The following ADK variants were observed in gnomAD, a reference collection of about 807,000 sequenced individuals.
The protein encoded by ADK is adenosine kinase.
Under a neutral mutation model 44.7 loss-of-function variants are expected in ADK, and 24 were observed. The ratio of observed to expected loss-of-function variants is 0.54; its 90% CI spans 0.39 to 0.76. The LOEUF is 0.76. Ranked by LOEUF, ADK falls within the 30% of genes least tolerant of loss-of-function variation. The pLI is 0.00. For synonymous variants in ADK, 128 were observed against 142.6 expected (o/e 0.90, Z 0.73); for missense variants, 321 against 425.1 (o/e 0.76, Z 2.15).
chr10:74,460,295 C>G (rs1460986313), intron 6 of ADK, among the ~76,000 whole-genome samples: 1 of 152,148 alleles, frequency 6.6e-6, no homozygotes, highest in Non-Finnish European at 1.5e-5. Flanking sequence ...ACTGTGTTAT[C>G]CTAATGACAC....
chr10:74,247,995 TCAGGTTG>T (rs1845492303), intron 3 of ADK, among the ~76,000 whole-genome samples: 2 of 152,212 alleles, frequency 1.3e-5, no homozygotes, highest in Admixed American at 6.5e-5. Flanking sequence ...GTATTATTTC[TCAGGTTG>T]AGCCTCATGG....
intron 8 of ADK, among the ~76,000 whole-genome samples, chr10:74,591,513 G>A (rs1347540782): frequency 6.6e-6 from 1 of 152,116 alleles, no homozygotes; most frequent in Admixed American, 6.6e-5. Flanking sequence ...TGTAATCCAT[G>A]TATGGAACAC....
intron 1 of ADK, among the ~76,000 whole-genome samples, chr10:74,196,234 C>T (rs1157515677): frequency 4.6e-5 from 7 of 151,932 alleles, no homozygotes; most frequent in African/African-American, 1.5e-4. Context: ...TACGTTCTCC[C>T]TTGGGGAACT....
chr10:74,691,333 T>C (rs1322001122), intron 10 of ADK, among the ~76,000 whole-genome samples: 2 of 152,244 alleles, frequency 1.3e-5, no homozygotes, highest in African/African-American at 2.4e-5. Context: ...TCAGGTTTGC[T>C]TTAATTACAT....
chr10:74,185,635 A>G (rs1842724391), intron 1 of ADK, among the ~76,000 whole-genome samples: 1 of 150,398 alleles, frequency 6.6e-6, no homozygotes, highest in African/African-American at 2.4e-5. Flanking sequence ...GATCGAGACT[A>G]TCCTGGCTAA....
intron 1 of ADK, among the ~76,000 whole-genome samples, chr10:74,195,991 A>G (rs1843134794): frequency 6.6e-6 from 1 of 151,158 alleles, no homozygotes; most frequent in Non-Finnish European, 1.5e-5. Context: ...TTTTGTAGAG[A>G]TGGAGTTTTG....
intron 9 of ADK, among the ~76,000 whole-genome samples, chr10:74,611,626 A>C (rs1329221528): frequency 6.6e-6 from 1 of 151,900 alleles, no homozygotes; most frequent in Non-Finnish European, 1.5e-5. Context: ...AATACCCAAT[A>C]GGTAGTTTTT....
At chr10:74,475,765 AAAGAG>A (rs1846812155) in intron 6 of ADK, among the ~76,000 whole-genome samples, 1 of 151,552 alleles carries the variant, frequency 6.6e-6, no homozygotes, top group Non-Finnish European at 1.5e-5. Context: ...TAAAAGAAGA[AAAGAG>A]AGAGAGGGAG....
intron 3 of ADK, among the ~76,000 whole-genome samples, chr10:74,303,166 A>G (rs1443649348): frequency 6.6e-6 from 1 of 152,192 alleles, no homozygotes; most frequent in Non-Finnish European, 1.5e-5. Flanking sequence ...TGAGATAATC[A>G]CCTATGTATT....
At chr10:74,512,054 A>G (rs1256320045) in intron 6 of ADK, among the ~76,000 whole-genome samples, 4 of 152,178 alleles carry the variant, frequency 2.6e-5, no homozygotes, top group African/African-American at 4.8e-5. Context: ...TTTCATTGAG[A>G]TGATCATATG....
intron 7 of ADK, among the ~76,000 whole-genome samples, chr10:74,559,469 T>A (rs1717107235): frequency 6.6e-6 from 1 of 152,350 alleles, no homozygotes; most frequent in Non-Finnish European, 1.5e-5. Context: ...AGCTTTTATG[T>A]TGTTTTCTGG....
intron 9 of ADK, among the ~76,000 whole-genome samples, chr10:74,636,529 AAAAG>A (rs1232659233): frequency 6.6e-6 from 1 of 152,198 alleles, no homozygotes; most frequent in Admixed American, 6.5e-5. Flanking sequence ...GCTAATGAAA[AAAAG>A]GGAATAAAAT....
intron 6 of ADK, among the ~76,000 whole-genome samples, chr10:74,454,296 A>C (rs945719002): frequency 1.3e-5 from 2 of 152,184 alleles, no homozygotes; most frequent in African/African-American, 4.8e-5. Context: ...ACTGGAGAGG[A>C]TTTGAAATAA....
intron 1 of ADK, among the ~76,000 whole-genome samples, chr10:74,168,773 C>T (rs563200614): frequency 1.3e-4 from 19 of 151,542 alleles, no homozygotes; most frequent in African/African-American, 2.2e-4. Flanking sequence ...CCACCACACC[C>T]GGCTAATTTG....
chr10:74,284,328 G>A (rs920369994), intron 3 of ADK, among the ~76,000 whole-genome samples: 7 of 148,636 alleles, frequency 4.7e-5, no homozygotes, highest in South Asian at 2.1e-4. Flanking sequence ...GCAATGGCAC[G>A]ATCTCGGCTC....
At chr10:74,540,567 C>A (rs1447087318) in intron 7 of ADK, among the ~76,000 whole-genome samples, 1 of 152,000 alleles carries the variant, frequency 6.6e-6, no homozygotes, top group African/African-American at 2.4e-5. Flanking sequence ...TCAAGCGATT[C>A]TCAAGTCTCA....
At chr10:74,648,323 A>G (rs1854125911) in intron 9 of ADK, among the ~76,000 whole-genome samples, 1 of 150,304 alleles carries the variant, frequency 6.7e-6, no homozygotes. Context: ...CTGTAAAGGT[A>G]TCTATATAAG....
intron 9 of ADK, among the ~76,000 whole-genome samples, chr10:74,647,371 A>T (rs1180142718): frequency 1.3e-5 from 2 of 152,112 alleles, no homozygotes; most frequent in Non-Finnish European, 2.9e-5. Context: ...TATTTGGGGG[A>T]TGCTAAGAAC....
chr10:74,168,594 C>A (rs190407607), intron 1 of ADK, among the ~76,000 whole-genome samples: 89 of 149,968 alleles, frequency 5.9e-4, no homozygotes, highest in Admixed American at 2.0e-3. Context: ...TAGATCAGAT[C>A]TACGTTGAAA....
Sources: allele counts gnomAD v4.1 joint callset (sites outside exome capture counted in the v4.1 genomes callset), GRCh38; gene constraint gnomAD v4.1.1; transcripts MANE v1.5; gene names NCBI Gene and HGNC (gene_info 2026-07-23, HGNC 2026-07-21).